The following PRKCE variants were observed in gnomAD, a reference collection of about 807,000 sequenced individuals.
The protein encoded by PRKCE is protein kinase C epsilon type.
In PRKCE, 16 loss-of-function variants were observed where a neutral mutation model predicts 85.4. The observed-to-expected ratio is 0.19, with a 90% CI of 0.13 to 0.28. The LOEUF is 0.28. Among genes scored for constraint, PRKCE ranks in the 10% least tolerant of loss-of-function variants. The probability of loss-of-function intolerance (pLI) is 1.00; values close to 1 mark genes in which losing one functional copy is unlikely to be tolerated. For missense variants in PRKCE, 573 were observed against 975.2 expected, an observed-to-expected ratio of 0.59 and a Z score of 5.49; for synonymous variants, 388 against 371.5, an observed-to-expected ratio of 1.04 and a Z score of -0.51.
At chr2:45,994,623 A>T (rs1405723909) in intron 6 of PRKCE, among the ~76,000 whole-genome samples, 1 of 152,162 alleles carries the variant, frequency 6.6e-6, no homozygotes, top group Non-Finnish European at 1.5e-5. Context: ...TTGCTAACTC[A>T]CTTCTTTTTA....
intron 1 of PRKCE, among the ~76,000 whole-genome samples, chr2:45,681,598 A>G (rs1216396068): frequency 1.3e-5 from 2 of 152,152 alleles, no homozygotes; most frequent in Non-Finnish European, 2.9e-5. Flanking sequence ...GAGCTGTTTC[A>G]TCTGAAATTA....
At chr2:45,877,939 G>A (rs966067285) in intron 2 of PRKCE, among the ~76,000 whole-genome samples, 1 of 152,218 alleles carries the variant, frequency 6.6e-6, no homozygotes, top group African/African-American at 2.4e-5. Flanking sequence ...TCCAGACAAT[G>A]AGATGCTGGA....
chr2:46,015,391 C>G (rs566394425), intron 10 of PRKCE, among the ~76,000 whole-genome samples: 1 of 152,228 alleles, frequency 6.6e-6, no homozygotes, highest in South Asian at 2.1e-4. Flanking sequence ...CATCTCTACA[C>G]AATTCTACCC....
chr2:46,134,680 T>C (rs1674782916), intron 11 of PRKCE, among the ~76,000 whole-genome samples: 1 of 152,250 alleles, frequency 6.6e-6, no homozygotes, highest in African/African-American at 2.4e-5. Flanking sequence ...CATCCAGCCG[T>C]CTTATCTCAT....
chr2:45,869,484 G>A (rs192012686), intron 2 of PRKCE, among the ~76,000 whole-genome samples: 109 of 152,110 alleles, frequency 7.2e-4, no homozygotes, highest in African/African-American at 2.3e-3. Context: ...CCTATTACAC[G>A]CCAGGCACTG....
intron 11 of PRKCE, among the ~76,000 whole-genome samples, chr2:46,135,619 T>C (rs1169756572): frequency 6.6e-6 from 1 of 152,042 alleles, no homozygotes; most frequent in Non-Finnish European, 1.5e-5. Flanking sequence ...AATTTTCCTA[T>C]GCAAAGACTT....
At chr2:45,992,917 A>G (rs760555905) in intron 6 of PRKCE, among the ~76,000 whole-genome samples, 2 of 152,230 alleles carry the variant, frequency 1.3e-5, no homozygotes, top group African/African-American at 2.4e-5. Flanking sequence ...TAGGTCCTCA[A>G]CAAATGTGTG....
intron 1 of PRKCE, among the ~76,000 whole-genome samples, chr2:45,793,427 C>T (rs1013362081): frequency 6.6e-6 from 1 of 152,154 alleles, no homozygotes; most frequent in Non-Finnish European, 1.5e-5. Flanking sequence ...ACCCAGACTC[C>T]CCCAAATCCT....
At chr2:45,990,982 AGTTT>A (rs940906928) in intron 6 of PRKCE, among the ~76,000 whole-genome samples, 2 of 147,662 alleles carry the variant, frequency 1.4e-5, no homozygotes, top group Non-Finnish European at 3.0e-5. Context: ...GTATAATGTT[AGTTT>A]CTTTCTTTCT....
At chr2:45,891,882 T>C (rs943452049) in intron 2 of PRKCE, among the ~76,000 whole-genome samples, 7 of 152,152 alleles carry the variant, frequency 4.6e-5, no homozygotes, top group Non-Finnish European at 7.4e-5. Context: ...CCTCAGAATC[T>C]CTTGTACAGA....
intron 2 of PRKCE, among the ~76,000 whole-genome samples, chr2:45,913,747 T>C (rs987574241): frequency 6.6e-6 from 1 of 152,210 alleles, no homozygotes; most frequent in Non-Finnish European, 1.5e-5. Context: ...GCTGGGAATA[T>C]AACCTGCAGA....
intron 2 of PRKCE, among the ~76,000 whole-genome samples, chr2:45,865,015 G>T (rs966344159): frequency 6.6e-6 from 1 of 152,198 alleles, no homozygotes; most frequent in Admixed American, 6.5e-5. Flanking sequence ...ACCTCTGGTC[G>T]TAAGACCAAG....
intron 10 of PRKCE, among the ~76,000 whole-genome samples, chr2:46,052,960 C>T (rs1708948962): frequency 6.6e-6 from 1 of 152,228 alleles, no homozygotes; most frequent in African/African-American, 2.4e-5. Context: ...TCACACCATA[C>T]ACAAAAGTGA....
intron 2 of PRKCE, among the ~76,000 whole-genome samples, chr2:45,900,858 G>A (rs983732698): frequency 1.3e-5 from 2 of 152,188 alleles, no homozygotes; most frequent in Non-Finnish European, 2.9e-5. Context: ...ATACAGGATT[G>A]AACCAGACAG....
intron 11 of PRKCE, among the ~76,000 whole-genome samples, chr2:46,127,668 G>T (rs1673993723): frequency 6.6e-6 from 1 of 152,218 alleles, no homozygotes; most frequent in Admixed American, 6.5e-5. Flanking sequence ...ACAGTGAGTG[G>T]CTGTCACTGT....
chr2:45,664,213 G>C (rs2103776795), intron 1 of PRKCE, among the ~76,000 whole-genome samples: 2 of 152,324 alleles, frequency 1.3e-5, no homozygotes, highest in East Asian at 3.9e-4. Context: ...CATGTCATTG[G>C]ATAGTGGTTT....
chr2:46,007,121 G>A (rs1705273693), intron 8 of PRKCE, among the ~76,000 whole-genome samples: 1 of 152,216 alleles, frequency 6.6e-6, no homozygotes, highest in Admixed American at 6.5e-5. Context: ...TTCCAGAGAG[G>A]GCCCAGATTT....
intron 2 of PRKCE, among the ~76,000 whole-genome samples, chr2:45,847,738 T>C (rs1373653474): frequency 6.6e-6 from 1 of 152,226 alleles, no homozygotes; most frequent in Non-Finnish European, 1.5e-5. Flanking sequence ...ACTCCACCCC[T>C]GGTTCGATCT....
At chr2:45,925,573 G>A (rs868722822) in intron 2 of PRKCE, among the ~76,000 whole-genome samples, 7 of 152,104 alleles carry the variant, frequency 4.6e-5, no homozygotes, top group Non-Finnish European at 1.0e-4. Flanking sequence ...TAGGATTACA[G>A]GCGTGAACCA....
Sources: gnomAD v4.1 joint callset for allele counts (sites outside exome capture counted in the v4.1 genomes callset) on GRCh38, gnomAD v4.1.1 for gene constraint, MANE v1.5 for transcripts, NCBI Gene and HGNC (gene_info 2026-07-23, HGNC 2026-07-21) for gene names.